TALDO1: variants seen among roughly 807,000 people sequenced by gnomAD.
TALDO1 encodes transaldolase.
A neutral mutation model predicts 38.1 loss-of-function variants in TALDO1; 29 were observed. The observed-to-expected ratio is 0.76, with a 90% CI of 0.57 to 1.04. TALDO1 has a LOEUF of 1.04. Ranked by LOEUF, TALDO1 falls within the 50% of genes least tolerant of loss-of-function variation. The pLI is 0.00. For synonymous variants in TALDO1, 207 were observed against 176.8 expected (o/e 1.17, Z -1.36); for missense variants, 499 against 438.1 (o/e 1.14, Z -1.24).
chr11:756,397 G>A (rs1862838739), intron 2 of TALDO1: 1 of 215,250 alleles, frequency 4.6e-6, no homozygotes. Flanking sequence ...GAGTATAGTG[G>A]AGCAATCTTG....
Position 763,865 on chromosome 11 carries a change from C to T in TALDO1, c.756C>T (p.Phe252=). 1 of 1,613,888 alleles carries T rather than the reference C, an allele frequency of 6.2e-7. No homozygotes were observed. The highest frequency in any genetic ancestry group is 1.1e-5 in the South Asian group (1 of 91,086). ...GEIKALAGCD[F]LTISPKLLGE... is the part of the protein sequence containing the mutation. ...TCAAAGCACTGGCCGGCTGTGACTT[C>T]CTCACCATCTCACCCAAGCTCCTGG... The change falls in exon 6 of 8, where the codon TTC becomes TTT. Residue 252 remains phenylalanine (F), a synonymous_variant. Transcript: ENST00000319006.
intron 5 of TALDO1, 92 bp from the exon 6 acceptor site, chr11:763,655 G>T: frequency 3.8e-6 from 6 of 1,569,762 alleles, no homozygotes; most frequent in African/African-American, 1.4e-5. Flanking sequence ...AGGGGTGGCG[G>T]CTCAAGGTAG....
intron 6 of TALDO1, 54 bp downstream of exon 6, chr11:763,998 G>A (rs3891028): frequency 8.5e-5 from 134 of 1,580,178 alleles, no homozygotes; most frequent in Admixed American, 1.4e-4. Flanking sequence ...CAGCACTGCC[G>A]TGCCACGCTG....
At chr11:764,596 G>C in intron 7 of TALDO1, 163 bp downstream of exon 7, 1 of 1,352,642 alleles carries the variant, frequency 7.4e-7, no homozygotes, top group Non-Finnish European at 1.0e-6. Flanking sequence ...CAGGGTGGAG[G>C]GTGCATGGCA....
intron 2 of TALDO1, among the ~76,000 whole-genome samples, chr11:758,545 A>G (rs908244354): frequency 6.6e-6 from 1 of 151,846 alleles, no homozygotes; most frequent in Non-Finnish European, 1.5e-5. Flanking sequence ...AGGGAAGGAA[A>G]TTTGGCAAAG....
chr11:762,408 A>C (rs1366629118), intron 4 of TALDO1, among the ~76,000 whole-genome samples: 3 of 152,130 alleles, frequency 2.0e-5, no homozygotes, highest in East Asian at 1.9e-4. Context: ...TCGGGCTGTG[A>C]TGTATGCTGC....
chr11:763,252 TCCCC>T (rs1862978758), intron 4 of TALDO1, 88 bp from the exon 5 acceptor site: 1 of 71,580 alleles, frequency 1.4e-5, no homozygotes, highest in Non-Finnish European at 2.5e-5. Flanking sequence ...CCCTCACCCA[TCCCC>T]GCCCTCACCG....
rs1020510951 is a variant in TALDO1, at chr11:753,817, G to A, written c.98-2062G>A. ...AGCTACTGAGGACGCTGAGGTAGGA[G>A]AATCACTTGAACCCTGGAGGAGGAG... On this transcript the variant is annotated intron_variant, in intron 1 of 7. Transcript: ENST00000319006. Among the ~76,000 whole-genome samples the A allele has an allele frequency of 1.7e-4, 25 of 151,198 alleles. 1 individual carries two copies. Among genetic ancestry groups the A allele is most frequent in the Non-Finnish European group, 1.5e-5 (1 of 67,878 alleles).
chr11:758,047 G>A (rs768379181), intron 2 of TALDO1, among the ~76,000 whole-genome samples: 48 of 152,228 alleles, frequency 3.2e-4, no homozygotes, highest in Non-Finnish European at 5.6e-4. Flanking sequence ...ACTTTGAGAG[G>A]CCAAGACAGG....
intron 2 of TALDO1, among the ~76,000 whole-genome samples, chr11:756,619 G>A (rs933386303): frequency 6.7e-6 from 1 of 150,042 alleles, no homozygotes; most frequent in African/African-American, 2.5e-5. Context: ...AGATTCAAGC[G>A]ATTCTCCTGC....
intron 1 of TALDO1, among the ~76,000 whole-genome samples, chr11:754,597 G>C (rs1211329316): frequency 6.6e-6 from 1 of 152,094 alleles, no homozygotes; most frequent in Non-Finnish European, 1.5e-5. Flanking sequence ...TCAGCCTCCT[G>C]AGTAGCTGGG....
chr11:757,337 G>A (rs1458335789), intron 2 of TALDO1, among the ~76,000 whole-genome samples: 3 of 148,558 alleles, frequency 2.0e-5, no homozygotes, highest in African/African-American at 7.5e-5. Context: ...CTGTCACCTA[G>A]GCTGGAGTGC....
chr11:764,780 G>A, intron 7 of TALDO1, 33 bp from the exon 8 acceptor site: 1 of 1,614,146 alleles, frequency 6.2e-7, no homozygotes, highest in Non-Finnish European at 8.5e-7. Flanking sequence ...AGGTAGGGTG[G>A]GGAGACACAG....
chr11:763,642 G>A, intron 5 of TALDO1, 105 bp from the exon 6 acceptor site: 1 of 1,568,216 alleles, frequency 6.4e-7, no homozygotes, highest in Non-Finnish European at 8.8e-7. Flanking sequence ...GCGCGGGGCA[G>A]GCAGGGGTGG....
intron 2 of TALDO1, 118 bp downstream of exon 2, chr11:756,120 A>C (rs1862834472): frequency 7.8e-6 from 11 of 1,419,076 alleles, no homozygotes; most frequent in Non-Finnish European, 4.7e-6. Context: ...GGGGGAAAAA[A>C]ACCCTATCTT....
intron 4 of TALDO1, among the ~76,000 whole-genome samples, chr11:761,828 A>G (rs1468003821): frequency 6.6e-6 from 1 of 151,926 alleles, no homozygotes; most frequent in African/African-American, 2.4e-5. Context: ...AAGCACACAT[A>G]CCACTCCTGG....
At position 764,964 on chromosome 11, in the gene TALDO1, C is replaced by T. The variant is rs1050401; in HGVS notation, c.*119C>T. The stretch of plus-strand genomic sequence containing the variant: ...TGGAGCAGGGACAGATCATAGATTT[C>T]TGATTTTATGTAAAATTTTGCCTAA... On this transcript the variant is annotated 3_prime_UTR_variant, in exon 8 of 8. Coordinates refer to ENST00000319006, the MANE Select transcript of TALDO1 (RefSeq NM_006755.2). The T allele has an allele frequency of 7.7e-6, 11 of 1,437,710 alleles. No homozygotes were observed. The highest frequency in any genetic ancestry group is 1.1e-5 in the Non-Finnish European group (11 of 1,028,172). The allele number at this position is 1,437,710 out of a possible 1,614,324, so 89.1% of individuals were successfully genotyped here. A position where few individuals can be genotyped will look rare whatever the true frequency, so the allele number is the denominator to read the frequency against.
chr11:751,246 TA>T (rs1436088189), intron 1 of TALDO1, among the ~76,000 whole-genome samples: 1 of 152,082 alleles, frequency 6.6e-6, no homozygotes, highest in Non-Finnish European at 1.5e-5. Context: ...TTGCTGAAGA[TA>T]ACCATGTGGT....
intron 3 of TALDO1, among the ~76,000 whole-genome samples, 186 bp from the exon 4 acceptor site, chr11:759,936 G>T (rs1862902305): frequency 6.6e-6 from 1 of 152,124 alleles, no homozygotes; most frequent in Non-Finnish European, 1.5e-5. Context: ...CTCTGTTTGT[G>T]AGACTGGGTG....
Sources: allele counts gnomAD v4.1 joint callset (sites outside exome capture counted in the v4.1 genomes callset), GRCh38; gene constraint gnomAD v4.1.1; transcripts MANE v1.5; gene names NCBI Gene and HGNC (gene_info 2026-07-23, HGNC 2026-07-21).